SENP5: variants seen among roughly 807,000 people sequenced by gnomAD.
The protein encoded by SENP5 is sentrin-specific protease 5.
SENP5 carries 21 observed loss-of-function variants against 74.2 expected under a neutral mutation model. The ratio of observed to expected loss-of-function variants is 0.28; its 90% CI spans 0.20 to 0.41. The LOEUF is 0.41. SENP5 is among the 10% of genes least tolerant of loss of function. The pLI is 1.00. For synonymous variants in SENP5, 311 were observed against 312.7 expected, an observed-to-expected ratio of 0.99 and a Z score of 0.06; for missense variants, 717 against 889.1, an observed-to-expected ratio of 0.81 and a Z score of 2.46.
At chr3:196,907,892 G>GT (rs1714968571) in intron 6 of SENP5, among the ~76,000 whole-genome samples, 1 of 132,212 alleles carries the variant, frequency 7.6e-6, no homozygotes, top group Non-Finnish European at 1.7e-5. Context: ...ATTGGGTTAA[G>GT]TAAAAAAAAA....
chr3:196,914,605 A>ATATATATATATATATG (rs1290986271), intron 6 of SENP5: 7 of 122,486 alleles, frequency 5.7e-5, no homozygotes, highest in African/African-American at 2.3e-4. Context: ...ATATATATAT[A>ATATATATATATATATG]TATATATGTC....
At chr3:196,929,559 C>A in intron 8 of SENP5, 74 bp from the exon 9 acceptor site, 1 of 913,298 alleles carries the variant, frequency 1.1e-6, no homozygotes, top group Non-Finnish European at 1.7e-6. Context: ...GCGCATTTTT[C>A]CATAAAGGAG....
chr3:196,873,708 C>T (rs1461427312), intron 1 of SENP5, among the ~76,000 whole-genome samples: 5 of 151,878 alleles, frequency 3.3e-5, no homozygotes, highest in Admixed American at 2.0e-4. Context: ...GGTGTGGTGG[C>T]GGGCGCCTGA....
chr3:196,871,670 CATA>C (rs1234567195), intron 1 of SENP5, among the ~76,000 whole-genome samples: 2 of 151,934 alleles, frequency 1.3e-5, no homozygotes. Flanking sequence ...GACCAGCCAA[CATA>C]ATGAGACCCC....
intron 2 of SENP5, among the ~76,000 whole-genome samples, chr3:196,889,181 G>C (rs1006988996): frequency 6.6e-6 from 1 of 151,044 alleles, no homozygotes; most frequent in Non-Finnish European, 1.5e-5. Flanking sequence ...AAAGTACAGA[G>C]TCCTAGCAAA....
rs143164144 is a variant in SENP5 at position 196,899,680 on chromosome 3, G to A, written c.1528G>A (p.Val510Ile). 300 of 1,604,284 alleles carry A rather than the reference G, an allele frequency of 1.9e-4. 2 individuals carry two copies. Among genetic ancestry groups the A allele is most frequent in the Admixed American group, 9.2e-4 (55 of 59,736 alleles). ...CTTTATTTAAGGATTCCTAGATGAG[G>A]TTATGAAGAAGTATGGCAGTTTGGT... ...SVCLSGFLDE[V>I]MKKYGSLVPL... Residue 510 changes from valine to isoleucine, a missense_variant, in exon 3 of 10, where the codon GTT becomes ATT. By Grantham distance (29) the Val-to-Ile change is conservative. Transcript: ENST00000323460.
Position 196,893,764 on chromosome 3 carries a change from G to A in SENP5, c.1514-5902G>A, listed in dbSNP as rs575696163. Among the ~76,000 whole-genome samples, 3 of 152,154 alleles carry A rather than the reference G, an allele frequency of 2.0e-5. No homozygotes were observed. In the South Asian group the frequency reaches 6.2e-4, roughly 32 times the overall value. On this transcript the variant is annotated intron_variant, in intron 2 of 9. Coordinates refer to ENST00000323460, the MANE Select transcript of SENP5 (RefSeq NM_152699.5). ...GTCTCTACTAAAAATACAAAAATTAGCCAGGCATGGTGGCATGCGCCTGTA... is the reference window on the plus strand; with the variant it reads ...GTCTCTACTAAAAATACAAAAATTAACCAGGCATGGTGGCATGCGCCTGTA...
Position 196,927,842 on chromosome 3 carries a change from C to A in SENP5, c.2069C>A (p.Pro690His). Residue 690 changes from proline (P) to histidine (H), a missense_variant, in exon 8 of 10, where the codon CCT becomes CAT. Pro to His is a moderately conservative substitution (Grantham distance 77, BLOSUM62 -2). Around this residue, in one of 4 missense-constraint regions of SENP5, gnomAD observed 85 missense variants for 188.9 expected, o/e 0.45. Transcript: ENST00000323460. ...LLTEAREKNR[P>H]EFLQGWQTAV... ...ACTGAAGCCAGAGAAAAAAATAGACCTGAATTTCTTCAGGGTTGGCAGACT... is the reference window on the plus strand; with the variant it reads ...ACTGAAGCCAGAGAAAAAAATAGACATGAATTTCTTCAGGGTTGGCAGACT... 6.2e-7 allele frequency: 1 copy of A among 1,613,018 alleles called. No individual in the cohort carries two copies.
chr3:196,914,119 T>A (rs1358362639), intron 6 of SENP5: 1 of 152,182 alleles, frequency 6.6e-6, no homozygotes, highest in Non-Finnish European at 1.5e-5. Context: ...TATAGACTAA[T>A]ATATTCAGGG....
intron 1 of SENP5, among the ~76,000 whole-genome samples, chr3:196,876,517 C>CAAA (rs11294142): frequency 4.2e-5 from 4 of 95,412 alleles, no homozygotes; most frequent in African/African-American, 1.1e-4. Flanking sequence ...GATTCTGTCT[C>CAAA]AAAAAAAAAA....
At chr3:196,911,248 A>C (rs961553060) in intron 6 of SENP5, among the ~76,000 whole-genome samples, 20 of 152,336 alleles carry the variant, frequency 1.3e-4, no homozygotes, top group Middle Eastern at 3.4e-3. Flanking sequence ...GCTCAGCAAA[A>C]GAAACTATCA....
intron 6 of SENP5, chr3:196,914,586 A>AAAATATATATAT: frequency 2.7e-4 from 9 of 33,488 alleles, no homozygotes; most frequent in African/African-American, 5.4e-4. Flanking sequence ...AAAAAAAAAA[A>AAAATATATATAT]ATATATATAT....
intron 8 of SENP5, 54 bp from the exon 9 acceptor site, chr3:196,929,579 T>C (rs1472192633): frequency 1.7e-6 from 2 of 1,152,114 alleles, no homozygotes; most frequent in East Asian, 2.4e-5. Context: ...GTTTTTCTTA[T>C]CTGAAGAGAA....
chr3:196,899,814 T>C, intron 3 of SENP5, 43 bp downstream of exon 3: 1 of 1,557,384 alleles, frequency 6.4e-7, no homozygotes, highest in Middle Eastern at 1.7e-4. Context: ...AAATAAAATT[T>C]TTGGCATATA....
intron 2 of SENP5, among the ~76,000 whole-genome samples, chr3:196,889,758 C>A (rs2108822694): frequency 6.6e-6 from 1 of 152,278 alleles, no homozygotes; most frequent in Non-Finnish European, 1.5e-5. Context: ...AACTGAGAAT[C>A]AGCTCCCACT....
intron 5 of SENP5, among the ~76,000 whole-genome samples, chr3:196,900,782 C>T (rs1431120277): frequency 6.6e-6 from 1 of 150,986 alleles, no homozygotes; most frequent in African/African-American, 2.4e-5. Flanking sequence ...GACAGGGTTT[C>T]ATCATATTGG....
intron 1 of SENP5, among the ~76,000 whole-genome samples, chr3:196,873,579 G>C (rs911612568): frequency 6.6e-6 from 1 of 151,622 alleles, no homozygotes; most frequent in Admixed American, 6.6e-5. Flanking sequence ...GGTGGCTCAC[G>C]CCTGTAATCC....
At chr3:196,907,739 G>C (rs921814195) in intron 6 of SENP5, among the ~76,000 whole-genome samples, 1 of 151,992 alleles carries the variant, frequency 6.6e-6, no homozygotes, top group Non-Finnish European at 1.5e-5. Flanking sequence ...AACAATAGCT[G>C]ATGAGCTAAA....
chr3:196,908,183 G>A (rs1577830343), intron 6 of SENP5, among the ~76,000 whole-genome samples: 1 of 152,202 alleles, frequency 6.6e-6, no homozygotes, highest in African/African-American at 2.4e-5. Flanking sequence ...AGAAGGCTGC[G>A]GTGGGAGGAT....
Sources: allele counts gnomAD v4.1 joint callset (sites outside exome capture counted in the v4.1 genomes callset), GRCh38; gene constraint gnomAD v4.1.1; regional missense constraint gnomAD v4.1.1; transcripts MANE v1.5; gene names NCBI Gene and HGNC (gene_info 2026-07-23, HGNC 2026-07-21).